The following SLC71A1 variants were observed in gnomAD, a reference collection of about 807,000 sequenced individuals.
The protein encoded by SLC71A1 is hippocampus abundant gene transcript 1.
At chr1:100,055,320 G>A in the SLC71A1 span, among the ~76,000 whole-genome samples, 1 of 151,484 alleles carries the variant, frequency 6.6e-6, no homozygotes, top group Non-Finnish European at 1.5e-5. Context: ...GGAAAATATG[G>A]CTAGAGGACT....
chr1:100,078,152 C>T, the SLC71A1 span, among the ~76,000 whole-genome samples: 1 of 152,194 alleles, frequency 6.6e-6, no homozygotes, highest in Non-Finnish European at 1.5e-5. Flanking sequence ...CTATATTATA[C>T]ATTATCCTCA....
chr1:100,055,108 C>T, the SLC71A1 span, among the ~76,000 whole-genome samples: 1 of 152,190 alleles, frequency 6.6e-6, no homozygotes, highest in Non-Finnish European at 1.5e-5. Context: ...TAAGATCTAG[C>T]ATAGTATAAA....
At chr1:100,050,124 T>G in the SLC71A1 span, 2 of 583,994 alleles carry the variant, frequency 3.4e-6, no homozygotes. Context: ...TTGTTCAGTA[T>G]TCACCAGTAT....
the SLC71A1 span, among the ~76,000 whole-genome samples, chr1:100,063,429 A>G: frequency 6.6e-6 from 1 of 152,250 alleles, no homozygotes; most frequent in Non-Finnish European, 1.5e-5. Flanking sequence ...GCTTGAGGCC[A>G]GGAGTTTGAG....
the SLC71A1 span, among the ~76,000 whole-genome samples, chr1:100,076,232 C>T: frequency 6.6e-6 from 1 of 152,146 alleles, no homozygotes; most frequent in Non-Finnish European, 1.5e-5. Context: ...GAATTCAAAA[C>T]TTATATTTTA....
the SLC71A1 span, among the ~76,000 whole-genome samples, chr1:100,039,350 T>C: frequency 6.6e-6 from 1 of 152,224 alleles, no homozygotes; most frequent in Admixed American, 6.5e-5. Flanking sequence ...CAGTAGTAAA[T>C]GTGTAAGTAG....
the SLC71A1 span, among the ~76,000 whole-genome samples, chr1:100,064,706 G>A: frequency 6.6e-6 from 1 of 150,964 alleles, no homozygotes; most frequent in Non-Finnish European, 1.5e-5. Flanking sequence ...AGATCAATAG[G>A]TTCTATTTTT....
chr1:100,041,832 G>A, the SLC71A1 span, among the ~76,000 whole-genome samples: 6 of 151,950 alleles, frequency 3.9e-5, no homozygotes, highest in South Asian at 1.2e-3. Context: ...GCCGAGGCAC[G>A]AGAATCACTT....
At chr1:100,038,101 A>G in the SLC71A1 span, 2 of 749,104 alleles carry the variant, frequency 2.7e-6, no homozygotes, top group East Asian at 2.8e-5. Flanking sequence ...CGCCGGAGGC[A>G]GGCCGGGCCC....
the SLC71A1 span, chr1:100,081,987 C>T: frequency 6.3e-7 from 1 of 1,596,124 alleles, no homozygotes; most frequent in African/African-American, 1.3e-5. Flanking sequence ...ATCCTAATTA[C>T]TTTATTCTTC....
the SLC71A1 span, among the ~76,000 whole-genome samples, chr1:100,051,672 A>G: frequency 6.6e-6 from 1 of 152,180 alleles, no homozygotes; most frequent in African/African-American, 2.4e-5. Flanking sequence ...TCATGACTTT[A>G]CATTAGCTTT....
the SLC71A1 span, among the ~76,000 whole-genome samples, chr1:100,040,335 A>T: frequency 6.6e-6 from 1 of 152,226 alleles, no homozygotes; most frequent in African/African-American, 2.4e-5. Context: ...CATTATTTGT[A>T]TTTTAATCCA....
chr1:100,081,983 ATTACT>A, the SLC71A1 span: 1 of 1,585,076 alleles, frequency 6.3e-7, no homozygotes, highest in Non-Finnish European at 8.7e-7. Flanking sequence ...AAAAATCCTA[ATTACT>A]TTATTCTTCC....
chr1:100,070,686 C>T, the SLC71A1 span, among the ~76,000 whole-genome samples: 12 of 152,142 alleles, frequency 7.9e-5, no homozygotes, highest in African/African-American at 2.7e-4. Flanking sequence ...ATAATTCTCT[C>T]ACATCACAGA....
the SLC71A1 span, among the ~76,000 whole-genome samples, chr1:100,071,214 T>G: frequency 7.3e-6 from 1 of 137,720 alleles, no homozygotes; most frequent in East Asian, 2.2e-4. Context: ...GCACTTTGGG[T>G]GGCCAAGGTC....
At chr1:100,054,230 T>C in the SLC71A1 span, among the ~76,000 whole-genome samples, 1 of 151,782 alleles carries the variant, frequency 6.6e-6, no homozygotes, top group Admixed American at 6.6e-5. Flanking sequence ...ATTATTTTTT[T>C]TGAGACAGAG....
At chr1:100,059,756 T>G in the SLC71A1 span, 1 of 768,448 alleles carries the variant, frequency 1.3e-6, no homozygotes, top group Non-Finnish European at 2.0e-6. Flanking sequence ...TATTTAAAAG[T>G]TTGTGATATA....
the SLC71A1 span, among the ~76,000 whole-genome samples, chr1:100,075,889 G>A: frequency 6.6e-6 from 1 of 152,114 alleles, no homozygotes; most frequent in East Asian, 1.9e-4. Context: ...TGTTGTCCAG[G>A]CTGGTCTCAA....
chr1:100,048,123 G>A, the SLC71A1 span, among the ~76,000 whole-genome samples: 4 of 152,004 alleles, frequency 2.6e-5, no homozygotes, highest in Non-Finnish European at 5.9e-5. Context: ...TCTGCTAGGG[G>A]CTGGGTATAT....
Sources: allele counts gnomAD v4.1 joint callset (sites outside exome capture counted in the v4.1 genomes callset), GRCh38; gene constraint gnomAD v4.1.1; transcripts MANE v1.5; gene names NCBI Gene and HGNC (gene_info 2026-07-23, HGNC 2026-07-21).